Variants in ERBB4 observed in about 807,000 individuals in gnomAD.
The protein encoded by ERBB4 is receptor tyrosine-protein kinase erbB-4.
A neutral mutation model predicts 158.0 loss-of-function variants in ERBB4; 42 were observed. That is an observed-to-expected ratio of 0.27 (90% CI 0.21 to 0.34). The LOEUF (loss-of-function observed/expected upper bound fraction) is 0.34, where lower values mean the gene tolerates loss of function less well. ERBB4 is among the 10% of genes least tolerant of loss of function. ERBB4 has a pLI of 1.00. For missense variants in ERBB4, 1,333 were observed against 1,624.1 expected, an observed-to-expected ratio of 0.82 and a Z score of 3.08; for synonymous variants, 583 against 558.7, an observed-to-expected ratio of 1.04 and a Z score of -0.61.
At chr2:212,124,045 G>A (rs1263287948) in intron 2 of ERBB4, among the ~76,000 whole-genome samples, 2 of 152,138 alleles carry the variant, frequency 1.3e-5, no homozygotes, top group African/African-American at 4.8e-5. Flanking sequence ...TTCAAGTTCA[G>A]ATTTTCCCAA....
intron 20 of ERBB4, among the ~76,000 whole-genome samples, chr2:211,494,523 G>A (rs1377810312): frequency 6.6e-6 from 1 of 152,056 alleles, no homozygotes; most frequent in African/African-American, 2.4e-5. Context: ...ATAGTGCATA[G>A]CCAGTCTGTA....
At chr2:212,358,128 C>T (rs372019318) in intron 1 of ERBB4, among the ~76,000 whole-genome samples, 22 of 151,900 alleles carry the variant, frequency 1.4e-4, no homozygotes, top group East Asian at 7.7e-4. Context: ...TCTAAAAGAA[C>T]GGATACCAAT....
At chr2:212,479,790 T>TA (rs1422165458) in intron 1 of ERBB4, among the ~76,000 whole-genome samples, 1 of 152,162 alleles carries the variant, frequency 6.6e-6, no homozygotes, top group Non-Finnish European at 1.5e-5. Context: ...CCATTAGCTC[T>TA]AAAACTGGCA....
chr2:211,571,985 C>A (rs951646608), intron 19 of ERBB4, among the ~76,000 whole-genome samples: 2 of 151,756 alleles, frequency 1.3e-5, no homozygotes, highest in African/African-American at 4.8e-5. Context: ...GTTTTAAGAT[C>A]TTGGATTTAT....
chr2:211,517,230 A>G (rs894504608), intron 20 of ERBB4, among the ~76,000 whole-genome samples: 3 of 152,148 alleles, frequency 2.0e-5, no homozygotes, highest in African/African-American at 7.2e-5. Flanking sequence ...TAACATAAAA[A>G]TAATATGTTT....
At chr2:211,845,635 G>A (rs1347797602) in intron 3 of ERBB4, among the ~76,000 whole-genome samples, 1 of 152,068 alleles carries the variant, frequency 6.6e-6, no homozygotes, top group Non-Finnish European at 1.5e-5. Context: ...TTTGTGAATG[G>A]GAACCTCAAT....
At chr2:212,308,279 T>C (rs894445493) in intron 1 of ERBB4, among the ~76,000 whole-genome samples, 3 of 151,144 alleles carry the variant, frequency 2.0e-5, no homozygotes, top group African/African-American at 7.3e-5. Context: ...ATATTCGGAA[T>C]CATTCACAAA....
At chr2:212,035,698 C>G (rs2076997390) in intron 2 of ERBB4, among the ~76,000 whole-genome samples, 1 of 152,126 alleles carries the variant, frequency 6.6e-6, no homozygotes, top group Admixed American at 6.6e-5. Flanking sequence ...TACTTGAGGG[C>G]AAAAATGCTG....
chr2:211,804,514 A>T (rs1038060123), intron 3 of ERBB4, among the ~76,000 whole-genome samples: 3 of 152,200 alleles, frequency 2.0e-5, no homozygotes, highest in African/African-American at 7.2e-5. Flanking sequence ...AATTCCAAAA[A>T]AGTCTTTCCA....
At chr2:212,414,904 G>A (rs1198319072) in intron 1 of ERBB4, among the ~76,000 whole-genome samples, 1 of 152,092 alleles carries the variant, frequency 6.6e-6, no homozygotes, top group Admixed American at 6.6e-5. Flanking sequence ...TTAGACATTT[G>A]GCTTGAAATA....
chr2:212,003,184 A>G (rs1403934342), intron 2 of ERBB4, among the ~76,000 whole-genome samples: 25 of 65,872 alleles, frequency 3.8e-4, no homozygotes, highest in Non-Finnish European at 7.8e-4. Context: ...AAAGAAAGAA[A>G]GAAAGAAAGA....
chr2:212,256,838 T>C (rs531054086), intron 1 of ERBB4, among the ~76,000 whole-genome samples: 47 of 152,316 alleles, frequency 3.1e-4, no homozygotes, highest in Middle Eastern at 6.8e-3. Context: ...TTCTTTGTCA[T>C]AATCTAAGCA....
intron 1 of ERBB4, among the ~76,000 whole-genome samples, chr2:212,414,696 C>G (rs1035702781): frequency 9.2e-5 from 14 of 152,192 alleles, no homozygotes; most frequent in African/African-American, 3.4e-4. Context: ...TGAGTACAGA[C>G]TTTCTTTATT....
At chr2:212,268,014 C>A (rs115758858) in intron 1 of ERBB4, among the ~76,000 whole-genome samples, 2,815 of 151,920 alleles carry the variant, frequency 0.019, 34 homozygotes, top group Non-Finnish European at 0.026. Flanking sequence ...CAATACAGAA[C>A]AAATCTTTTT....
At chr2:212,251,271 G>A (rs2084522617) in intron 1 of ERBB4, among the ~76,000 whole-genome samples, 1 of 151,930 alleles carries the variant, frequency 6.6e-6, no homozygotes, top group Admixed American at 6.6e-5. Flanking sequence ...ATTAGTCTAA[G>A]AAGTTAAAAG....
chr2:211,580,247 T>C (rs1320438318), intron 19 of ERBB4, among the ~76,000 whole-genome samples: 3 of 152,102 alleles, frequency 2.0e-5, no homozygotes, highest in Non-Finnish European at 4.4e-5. Context: ...TCTATACATC[T>C]GACAGAAGGA....
chr2:212,418,562 G>A (rs1473549883), intron 1 of ERBB4, among the ~76,000 whole-genome samples: 1 of 150,476 alleles, frequency 6.6e-6, no homozygotes, highest in Non-Finnish European at 1.5e-5. Flanking sequence ...TATATTTGAA[G>A]TCCATAAAAT....
At chr2:212,122,959 T>C (rs779966395) in intron 2 of ERBB4, among the ~76,000 whole-genome samples, 3 of 152,216 alleles carry the variant, frequency 2.0e-5, no homozygotes, top group Non-Finnish European at 4.4e-5. Context: ...TCCAATCTAA[T>C]AGACTGTTTA....
intron 1 of ERBB4, among the ~76,000 whole-genome samples, chr2:212,302,884 A>G (rs976580147): frequency 2.0e-5 from 3 of 151,514 alleles, no homozygotes; most frequent in Admixed American, 1.3e-4. Flanking sequence ...TAGACATAAA[A>G]AATTGTTTAT....
Sources: gnomAD v4.1 joint callset for allele counts (sites outside exome capture counted in the v4.1 genomes callset) on GRCh38, gnomAD v4.1.1 for gene constraint, MANE v1.5 for transcripts, NCBI Gene and HGNC (gene_info 2026-07-23, HGNC 2026-07-21) for gene names.